Variants in IQCB1 observed in about 807,000 individuals in gnomAD.
IQCB1 encodes IQ motif containing B1.
In IQCB1, 56 loss-of-function variants were observed where a neutral mutation model predicts 84.4. The ratio of observed to expected loss-of-function variants is 0.66; its 90% CI spans 0.54 to 0.83. The LOEUF (loss-of-function observed/expected upper bound fraction) is 0.83, where lower values mean the gene tolerates loss of function less well. Ranked by LOEUF, IQCB1 falls within the 40% of genes least tolerant of loss-of-function variation. The pLI, the probability that IQCB1 is intolerant of heterozygous loss-of-function variation, is 0.00. For synonymous variants in IQCB1, 210 were observed against 234.8 expected, an observed-to-expected ratio of 0.89 and a Z score of 0.96; for missense variants, 629 against 682.1, an observed-to-expected ratio of 0.92 and a Z score of 0.87.
At chr3:121,815,928 C>CAAAAAA (rs36019026) in intron 5 of IQCB1, among the ~76,000 whole-genome samples, 1 of 88,778 alleles carries the variant, frequency 1.1e-5, no homozygotes, top group Non-Finnish European at 2.2e-5. Context: ...CATGTGGAAC[C>CAAAAAA]AAAAAAAAAA....
At chr3:121,831,026 G>A (rs1268112190) in intron 2 of IQCB1, among the ~76,000 whole-genome samples, 2 of 152,090 alleles carry the variant, frequency 1.3e-5, no homozygotes, top group Non-Finnish European at 2.9e-5. Context: ...CTCCATAAAA[G>A]GCTCAAGAGG....
intron 5 of IQCB1, among the ~76,000 whole-genome samples, chr3:121,811,420 G>A (rs1949825426): frequency 6.6e-6 from 1 of 152,144 alleles, no homozygotes; most frequent in South Asian, 2.1e-4. Context: ...AAGACAGACT[G>A]TTCACTCCCC....
intron 10 of IQCB1, among the ~76,000 whole-genome samples, chr3:121,791,989 G>T (rs1948994816): frequency 6.6e-6 from 1 of 152,088 alleles, no homozygotes; most frequent in African/African-American, 2.4e-5. Flanking sequence ...TACTTGGGAG[G>T]CTGAGGCAGG....
chr3:121,833,993 C>T (rs568644236), intron 2 of IQCB1: 88 of 152,330 alleles, frequency 5.8e-4, no homozygotes, highest in African/African-American at 2.0e-3. Flanking sequence ...CCAATTTGAA[C>T]AATGAGCATA....
At chr3:121,785,471 T>C (rs1948669552) in intron 12 of IQCB1, among the ~76,000 whole-genome samples, 1 of 152,112 alleles carries the variant, frequency 6.6e-6, no homozygotes, top group Non-Finnish European at 1.5e-5. Flanking sequence ...CCCAGGCTGG[T>C]ATATTACTTT....
At chr3:121,774,444 G>A (rs904037921) in intron 13 of IQCB1, among the ~76,000 whole-genome samples, 2 of 152,138 alleles carry the variant, frequency 1.3e-5, no homozygotes, top group African/African-American at 4.8e-5. Context: ...TCACCCAAAA[G>A]AATTGAAAGC....
intron 13 of IQCB1, among the ~76,000 whole-genome samples, chr3:121,773,797 A>G (rs1051183966): frequency 6.6e-6 from 1 of 152,186 alleles, no homozygotes; most frequent in African/African-American, 2.4e-5. Context: ...CTAAAACTGT[A>G]AAACTCCTAG....
intron 13 of IQCB1, among the ~76,000 whole-genome samples, chr3:121,777,075 A>G (rs1948260774): frequency 6.6e-6 from 1 of 152,178 alleles, no homozygotes; most frequent in South Asian, 2.1e-4. Context: ...ATATTTCTCC[A>G]TTGTTTCCTT....
intron 8 of IQCB1, 124 bp from the exon 9 acceptor site, chr3:121,797,351 A>G (rs1478228443): frequency 9.5e-6 from 5 of 525,600 alleles, no homozygotes; most frequent in Non-Finnish European, 1.7e-5. Flanking sequence ...AAGATTAATC[A>G]TATGATTTTT....
At chr3:121,777,883 T>C (rs1054532733) in intron 13 of IQCB1, among the ~76,000 whole-genome samples, 8 of 152,070 alleles carry the variant, frequency 5.3e-5, no homozygotes, top group Admixed American at 4.6e-4. Flanking sequence ...ACCACTTGTA[T>C]ATACGTCTGT....
intron 11 of IQCB1, 77 bp downstream of exon 11, chr3:121,789,996 C>T: frequency 7.9e-7 from 1 of 1,258,262 alleles, no homozygotes; most frequent in Non-Finnish European, 1.2e-6. Context: ...AAAAAATCAT[C>T]ACGTAGCTAG....
intron 6 of IQCB1, among the ~76,000 whole-genome samples, chr3:121,807,961 A>C (rs1559784081): frequency 6.6e-6 from 1 of 151,986 alleles, no homozygotes; most frequent in Non-Finnish European, 1.5e-5. Flanking sequence ...ACGATTTAGC[A>C]CTGGATACTT....
intron 6 of IQCB1, 116 bp downstream of exon 6, chr3:121,808,800 A>G: frequency 1.5e-6 from 1 of 649,752 alleles, no homozygotes; most frequent in South Asian, 1.9e-5. Context: ...ACATGGTTTC[A>G]TTTCAGTGTG....
intron 12 of IQCB1, 36 bp from the exon 13 acceptor site, chr3:121,781,910 T>C (rs779234709): frequency 6.2e-7 from 1 of 1,604,056 alleles, no homozygotes; most frequent in East Asian, 2.2e-5. Context: ...GTGATTTTTC[T>C]CCCCTAACTA....
intron 6 of IQCB1, 31 bp downstream of exon 6, chr3:121,808,885 C>T: frequency 1.5e-6 from 2 of 1,291,138 alleles, no homozygotes; most frequent in South Asian, 1.2e-5. Context: ...TCTACAATAG[C>T]TATTAGTTAC....
intron 2 of IQCB1, among the ~76,000 whole-genome samples, chr3:121,832,964 C>G (rs1171695487): frequency 6.6e-6 from 1 of 152,160 alleles, no homozygotes. Context: ...TACACATACA[C>G]AGGGTATCTT....
chr3:121,790,891 T>G (rs1948938983), intron 10 of IQCB1, among the ~76,000 whole-genome samples: 1 of 152,204 alleles, frequency 6.6e-6, no homozygotes. Context: ...TATTGACAAC[T>G]GAACATTACT....
chr3:121,813,069 T>C (rs1487981907), intron 5 of IQCB1, among the ~76,000 whole-genome samples: 1 of 152,170 alleles, frequency 6.6e-6, no homozygotes, highest in Non-Finnish European at 1.5e-5. Context: ...ACAGCGGATG[T>C]CTCTGCAGAA....
In IQCB1 at chr3:121,790,077, A is replaced by C. The variant is rs770894488; in HGVS notation, c.1125T>G (p.His375Gln). ...ELQLSMLEIV[H>Q]PGQVEKHYRE... The stretch of plus-strand genomic sequence containing the variant: ...AAAGTTGATACTGCCACTCACCTGG[A>C]TGAACTATTTCGAGCATACTCAGCT... The change falls in exon 11 of 15, where the codon CAT (histidine) becomes CAG (glutamine). Residue 375 changes from histidine to glutamine, a missense_variant. Transcript: ENST00000310864. The C allele has an allele frequency of 1.2e-6, 2 of 1,613,326 alleles. No homozygotes were observed. Among genetic ancestry groups the C allele is most frequent in the Non-Finnish European group, 8.5e-7 (1 of 1,179,308 alleles).
Sources: gnomAD v4.1 joint callset for allele counts (sites outside exome capture counted in the v4.1 genomes callset) on GRCh38, gnomAD v4.1.1 for gene constraint, MANE v1.5 for transcripts, NCBI Gene and HGNC (gene_info 2026-07-23, HGNC 2026-07-21) for gene names.